The following KIAA0586 variants were observed in gnomAD, a reference collection of about 807,000 sequenced individuals.
KIAA0586 encodes the protein KIAA0586.
Under a neutral mutation model 169.8 loss-of-function variants are expected in KIAA0586, and 144 were observed. The ratio of observed to expected loss-of-function variants is 0.85; its 90% CI spans 0.74 to 0.97. The LOEUF is 0.97. Among genes scored for constraint, KIAA0586 ranks in the 50% least tolerant of loss-of-function variants. The pLI is 0.00. For missense variants in KIAA0586, 1,854 were observed against 1,823.0 expected (o/e 1.02, Z -0.31); for synonymous variants, 625 against 612.4 (o/e 1.02, Z -0.30).
In KIAA0586 at chr14:58,550,824, AC is replaced by A. The variant is rs892849529; in HGVS notation, c.*2894del. The stretch of plus-strand genomic sequence containing the variant: ...ACTCCAGCCTGGGTGACAGAATGAG[AC>A]CGTGTCTCAAAAAAAAAAAAAAAAA... On this transcript the variant is annotated 3_prime_UTR_variant, in exon 31 of 31. Transcript: ENST00000652326. 1.4e-5 allele frequency: 2 copies of A among 145,058 alleles called. No individual in the cohort carries two copies. The highest frequency in any genetic ancestry group is 3.0e-5 in the Non-Finnish European group (2 of 67,108). 9.0% of individuals were successfully genotyped at this position (145,058 alleles called of 1,614,324 possible). A position where few individuals can be genotyped will look rare whatever the true frequency, so the allele number is the denominator to read the frequency against.
intron 7 of KIAA0586, among the ~76,000 whole-genome samples, chr14:58,448,703 C>CT (rs1595138118): frequency 1.3e-5 from 2 of 151,670 alleles, no homozygotes; most frequent in African/African-American, 2.4e-5. Context: ...AAAATGAGTT[C>CT]TTTTTTTGCG....
At chr14:58,509,624 G>A (rs1253825198) in intron 28 of KIAA0586, among the ~76,000 whole-genome samples, 5 of 152,074 alleles carry the variant, frequency 3.3e-5, no homozygotes, top group Non-Finnish European at 5.9e-5. Flanking sequence ...CAAAAAATAC[G>A]TAAGATAAAG....
chr14:58,456,620 A>G, intron 9 of KIAA0586, 82 bp from the exon 10 acceptor site: 2 of 724,278 alleles, frequency 2.8e-6, no homozygotes, highest in Admixed American at 2.5e-5. Flanking sequence ...GATTTGTGTA[A>G]TGAAATGTTT....
chr14:58,489,213 T>A (rs1281603928), intron 24 of KIAA0586, among the ~76,000 whole-genome samples: 2 of 130,616 alleles, frequency 1.5e-5, no homozygotes, highest in Non-Finnish European at 3.1e-5. Context: ...CATATTGTTT[T>A]GAAACCTGAA....
intron 6 of KIAA0586, among the ~76,000 whole-genome samples, chr14:58,444,577 C>T (rs1352590654): frequency 1.3e-5 from 2 of 152,054 alleles, no homozygotes; most frequent in Admixed American, 6.6e-5. Context: ...GCGCACACCA[C>T]CACGCCCAGC....
rs565324456 is a variant in KIAA0586, at chr14:58,503,575, A to T, written c.4168+4615A>T. On this transcript the variant is annotated intron_variant, in intron 27 of 30. Transcript: ENST00000652326. ...CTGTTCACAATGATTTTTTTTCTCT[A>T]GTAGACATAGTAGATAAGAAAGCAA... Among the ~76,000 whole-genome samples the T allele has an allele frequency of 7.9e-5, 12 of 152,278 alleles. 1 individual carries two copies. In the South Asian group the frequency reaches 2.5e-3, roughly 32 times the overall value.
rs2042891106 is a variant in KIAA0586 at position 58,492,361 on chromosome 14, C to T, written c.3990+86C>T. 3 of 1,273,330 alleles carry T rather than the reference C, an allele frequency of 2.4e-6. No homozygotes were observed. The East Asian group carries it at 8.0e-5, about 34-fold the overall frequency. The allele number at this position is 1,273,330 out of a possible 1,614,324, so 78.9% of individuals were successfully genotyped here. A position where few individuals can be genotyped will look rare whatever the true frequency, so the allele number is the denominator to read the frequency against. ...TATTCTTACTACTAGTTAAAGCATG[C>T]TAGTATTTTGGTTTTTTCAAGGGTC... On this transcript the variant is annotated intron_variant, in intron 26 of 30. Transcript: ENST00000652326.
At chr14:58,442,093 GT>G (rs1192125984) in intron 4 of KIAA0586, 2 of 151,800 alleles carry the variant, frequency 1.3e-5, no homozygotes, top group Non-Finnish European at 2.9e-5. Context: ...TTTCTGAGTA[GT>G]TTTTTTTGTT....
rs2042485481 is a variant in KIAA0586, at chr14:58,486,902, CATCAATTTAAATTATAT to C, written c.3145-102_3145-86del. On this transcript the variant is annotated intron_variant, in intron 21 of 30. Coordinates refer to ENST00000652326, the MANE Select transcript of KIAA0586 (RefSeq NM_001329943.3). ...CAAGAGGTAGGGTACTTAACCCTGC[CATCAATTTAAATTATAT>C]ATAGTCTATGAATGAGTTCATATTA... 3 of 855,034 alleles carry C rather than the reference CATCAATTTAAATTATAT, an allele frequency of 3.5e-6. No individual in the cohort carries two copies. In the South Asian group the frequency reaches 8.4e-5, roughly 24 times the overall value. The allele number at this position is 855,034 out of a possible 1,614,324, so 53.0% of individuals were successfully genotyped here.
At chr14:58,526,428 T>A (rs545354001) in intron 29 of KIAA0586, among the ~76,000 whole-genome samples, 1 of 151,920 alleles carries the variant, frequency 6.6e-6, no homozygotes. Context: ...GGGTCTAGAG[T>A]GGACCTCTAG....
intron 4 of KIAA0586, chr14:58,433,093 T>C (rs2037515725): frequency 6.6e-6 from 1 of 152,276 alleles, no homozygotes; most frequent in African/African-American, 2.4e-5. Context: ...AGTTTGTTTT[T>C]GTTTTTGTTT....
At chr14:58,559,055 T>C in the KIAA0586 span, among the ~76,000 whole-genome samples, 1 of 152,222 alleles carries the variant, frequency 6.6e-6, no homozygotes, top group South Asian at 2.1e-4. Flanking sequence ...TTCAAGTTGT[T>C]TACCAAGCCC....
intron 4 of KIAA0586, among the ~76,000 whole-genome samples, chr14:58,439,613 A>G (rs992134694): frequency 2.0e-5 from 3 of 152,372 alleles, no homozygotes; most frequent in East Asian, 1.9e-4. Context: ...TCTCAGCTCT[A>G]TAATTCTATG....
At chr14:58,440,293 T>C in intron 4 of KIAA0586, 1 of 378,040 alleles carries the variant, frequency 2.6e-6, no homozygotes, top group Non-Finnish European at 5.2e-6. Context: ...CTTCTTTCTC[T>C]CTCTCTCTCT....
the KIAA0586 span, among the ~76,000 whole-genome samples, chr14:58,559,623 CCTT>C: frequency 6.6e-6 from 1 of 152,202 alleles, no homozygotes; most frequent in African/African-American, 2.4e-5. Flanking sequence ...ACCTTATTCT[CCTT>C]CTTTCTCTTT....
chr14:58,554,604 A>G (rs754600748), downstream of KIAA0586, among the ~76,000 whole-genome samples: 15 of 152,326 alleles, frequency 9.8e-5, no homozygotes, highest in Non-Finnish European at 1.3e-4. Flanking sequence ...TCTTGTGGCC[A>G]TTAACACTGG....
intron 9 of KIAA0586, among the ~76,000 whole-genome samples, chr14:58,454,205 C>T (rs539278034): frequency 1.3e-5 from 2 of 152,160 alleles, no homozygotes; most frequent in African/African-American, 2.4e-5. Context: ...TTATTTTCTT[C>T]GTGGTCACTC....
downstream of KIAA0586, among the ~76,000 whole-genome samples, chr14:58,553,333 G>T (rs551138002): frequency 1.3e-5 from 2 of 152,136 alleles, no homozygotes; most frequent in African/African-American, 4.8e-5. Flanking sequence ...ATGGATAACA[G>T]GTCCAGAAAG....
chr14:58,548,255 A>G lies in KIAA0586; in HGVS notation c.*323A>G, dbSNP rs1031201262. 1 of 210,806 alleles carries G rather than the reference A, an allele frequency of 4.7e-6. No individual in the cohort carries two copies. The highest frequency in any genetic ancestry group is 2.3e-5 in the African/African-American group (1 of 43,534). The allele number at this position is 210,806 out of a possible 1,614,324, so 13.1% of individuals were successfully genotyped here. A position where few individuals can be genotyped will look rare whatever the true frequency, so the allele number is the denominator to read the frequency against. ...TGTATTTATAAAATTATGTAGCTCA[A>G]GGTTATTCATTCTAACATTTTTATA... On this transcript the variant is annotated 3_prime_UTR_variant, in exon 31 of 31. Coordinates refer to ENST00000652326, the MANE Select transcript of KIAA0586 (RefSeq NM_001329943.3).
Sources: gnomAD v4.1 joint callset for allele counts (sites outside exome capture counted in the v4.1 genomes callset) on GRCh38, gnomAD v4.1.1 for gene constraint, MANE v1.5 for transcripts, NCBI Gene and HGNC (gene_info 2026-07-23, HGNC 2026-07-21) for gene names.